Variants in UBAC2 observed in about 807,000 individuals in gnomAD.
UBAC2 encodes the protein ubiquitin-associated domain-containing protein 2.
A neutral mutation model predicts 44.0 loss-of-function variants in UBAC2; 26 were observed. The observed-to-expected ratio is 0.59, with a 90% CI of 0.43 to 0.82. UBAC2 has a LOEUF of 0.82. UBAC2 is among the 40% of genes least tolerant of loss of function. The probability of loss-of-function intolerance (pLI) is 0.00; values close to 1 mark genes in which losing one functional copy is unlikely to be tolerated. For missense variants in UBAC2, 329 were observed against 419.4 expected (o/e 0.78, Z 1.88); for synonymous variants, 155 against 154.3 (o/e 1.00, Z -0.04).
intron 8 of UBAC2, among the ~76,000 whole-genome samples, chr13:99,381,080 T>C (rs559100221): frequency 1.3e-5 from 2 of 152,210 alleles, no homozygotes; most frequent in Middle Eastern, 3.2e-3. Context: ...CAGAAGGAAG[T>C]CTCGTGTACA....
At chr13:99,222,206 C>A (rs2043059026) in intron 1 of UBAC2, among the ~76,000 whole-genome samples, 1 of 152,122 alleles carries the variant, frequency 6.6e-6, no homozygotes, top group Non-Finnish European at 1.5e-5. Context: ...CAAAGAATTT[C>A]AAGTAGTAAA....
rs35193753 is a variant in UBAC2, at chr13:99,368,688, AGTGTGT to A, written c.927+815_927+820del. The stretch of plus-strand genomic sequence containing the variant: ...CACTATCATCGTAAACTCATGAGAG[AGTGTGT>A]GTGTGTGTGTGTGTGTGTGTGTGTG... On this transcript the variant is annotated intron_variant, in intron 8 of 8. Transcript: ENST00000403766. Among the ~76,000 whole-genome samples, 486 of 146,656 alleles carry A rather than the reference AGTGTGT, an allele frequency of 3.3e-3. 1 individual carries two copies. The highest frequency in any genetic ancestry group is 6.3e-3 in the African/African-American group (248 of 39,420).
At chr13:99,247,203 T>TG (rs1337227763) in intron 4 of UBAC2, among the ~76,000 whole-genome samples, 1 of 86,096 alleles carries the variant, frequency 1.2e-5, no homozygotes, top group Admixed American at 1.1e-4. Context: ...CTGTTTTTTT[T>TG]TTTTTGTTTT....
chr13:99,380,751 G>A (rs1423446474), intron 8 of UBAC2, among the ~76,000 whole-genome samples: 1 of 152,202 alleles, frequency 6.6e-6, no homozygotes, highest in East Asian at 1.9e-4. Context: ...CCCTTTCTTA[G>A]TGTAATTGTT....
chr13:99,332,329 C>T (rs746010255), intron 6 of UBAC2, among the ~76,000 whole-genome samples: 3 of 152,140 alleles, frequency 2.0e-5, no homozygotes, highest in Non-Finnish European at 4.4e-5. Context: ...TTCTACCCAG[C>T]AAATTAAATT....
In UBAC2 at chr13:99,380,314, T is replaced by G. The variant is rs534491214; in HGVS notation, c.928-4914T>G. Among the ~76,000 whole-genome samples, 354 of 152,334 alleles carry G rather than the reference T, an allele frequency of 2.3e-3. 2 individuals are homozygous for G. Among genetic ancestry groups the G allele is most frequent in the Non-Finnish European group, 3.5e-3 (235 of 68,020 alleles). ...GTAATTTGAGCACAGGAGTTGATGC[T>G]TCACATGCCGAGTAAGCTTTCCCAG... On this transcript the variant is annotated intron_variant, in intron 8 of 8. Transcript: ENST00000403766.
rs1338393591 is a variant in UBAC2 at position 99,247,416 on chromosome 13, G to T, written c.389+2792G>T. ...TTTTTAGTAGAGACGGGGTTTCACC[G>T]TGTTAGCCAGGATGGTCTCGATCTC... On this transcript the variant is annotated intron_variant, in intron 4 of 8. Transcript: ENST00000403766. 2.9e-3 allele frequency among the ~76,000 whole-genome samples: 438 copies of T among 151,380 alleles called. 2 individuals are homozygous for T. The highest frequency in any genetic ancestry group is 0.01 in the African/African-American group (425 of 41,312).
chr13:99,248,050 T>G (rs1229203813), intron 4 of UBAC2, among the ~76,000 whole-genome samples: 11 of 152,168 alleles, frequency 7.2e-5, no homozygotes, highest in Admixed American at 5.2e-4. Context: ...CACTACTCCC[T>G]CCTAATTCTT....
intron 4 of UBAC2, among the ~76,000 whole-genome samples, chr13:99,288,664 AAAAT>A (rs1234347033): frequency 4.6e-5 from 7 of 152,230 alleles, no homozygotes; most frequent in Admixed American, 4.6e-4. Context: ...TTCATTTTGG[AAAAT>A]AAATCCTGAC....
chr13:99,231,282 G>C (rs185164183), intron 1 of UBAC2, among the ~76,000 whole-genome samples: 3 of 152,164 alleles, frequency 2.0e-5, no homozygotes, highest in Non-Finnish European at 2.9e-5. Context: ...AGTTTCTCTA[G>C]CTGCCCACCT....
chr13:99,383,556 C>T (rs1262584105), intron 8 of UBAC2, among the ~76,000 whole-genome samples: 1 of 152,260 alleles, frequency 6.6e-6, no homozygotes, highest in Non-Finnish European at 1.5e-5. Flanking sequence ...CTTGCTGCTC[C>T]AGGACAGCCC....
In UBAC2 at chr13:99,333,096, T is replaced by G. The variant is rs915524463; in HGVS notation, c.562-7224T>G. On this transcript the variant is annotated intron_variant, in intron 6 of 8. Transcript: ENST00000403766. ...GAGCAACATGGTGAAACCCCGTCTC[T>G]GGGGGGGGAAGAAAGAGAGAGATAA... Among the ~76,000 whole-genome samples, 630 of 151,612 alleles carry G rather than the reference T, an allele frequency of 4.2e-3. 6 individuals carry two copies. Among genetic ancestry groups the G allele is most frequent in the African/African-American group, 0.014 (594 of 41,314 alleles).
intron 4 of UBAC2, among the ~76,000 whole-genome samples, chr13:99,248,530 T>G (rs1343956127): frequency 6.6e-6 from 1 of 152,140 alleles, no homozygotes; most frequent in Non-Finnish European, 1.5e-5. Context: ...TGGCTGGGTT[T>G]GCCACCATGC....
intron 6 of UBAC2, among the ~76,000 whole-genome samples, chr13:99,325,113 T>TC (rs1213493338): frequency 6.8e-6 from 1 of 146,224 alleles, no homozygotes; most frequent in Non-Finnish European, 1.5e-5. Flanking sequence ...TTTTTTTTTT[T>TC]TTTTTTTGAT....
Position 99,212,839 on chromosome 13 carries a change from A to G in UBAC2, c.31+11900A>G, listed in dbSNP as rs891546679. 3.9e-5 allele frequency among the ~76,000 whole-genome samples: 6 copies of G among 152,338 alleles called. 1 individual carries two copies. Among genetic ancestry groups the G allele is most frequent in the Middle Eastern group, 6.8e-3 (2 of 294 alleles). On this transcript the variant is annotated intron_variant, in intron 1 of 8. Transcript: ENST00000403766. ...TGCTTTTTTCATTTACTCTTCTTGA[A>G]TGAATTCACTCCATGTCATTAAGTA...
intron 2 of UBAC2, among the ~76,000 whole-genome samples, 196 bp from the exon 3 acceptor site, chr13:99,243,636 G>A (rs1045046315): frequency 1.3e-5 from 2 of 152,128 alleles, no homozygotes; most frequent in African/African-American, 4.8e-5. Context: ...TACCTTTCGT[G>A]CCACTGTTGG....
chr13:99,351,451 AAC>A, intron 7 of UBAC2: 1 of 436,712 alleles, frequency 2.3e-6, no homozygotes, highest in Non-Finnish European at 4.6e-6. Flanking sequence ...TTATCTTCCA[AAC>A]CTAAAATGTT....
intron 1 of UBAC2, among the ~76,000 whole-genome samples, chr13:99,217,263 T>C (rs1237383693): frequency 6.6e-6 from 1 of 152,220 alleles, no homozygotes; most frequent in East Asian, 1.9e-4. Context: ...CATTAGGTGC[T>C]GAAGGGCCAC....
At chr13:99,358,257 T>A (rs2045216581) in intron 7 of UBAC2, among the ~76,000 whole-genome samples, 1 of 152,180 alleles carries the variant, frequency 6.6e-6, no homozygotes. Context: ...TTGAGTAGCA[T>A]CAAAGGGGAG....
Sources: gnomAD v4.1 joint callset for allele counts (sites outside exome capture counted in the v4.1 genomes callset) on GRCh38, gnomAD v4.1.1 for gene constraint, MANE v1.5 for transcripts, NCBI Gene and HGNC (gene_info 2026-07-23, HGNC 2026-07-21) for gene names.